The following NHEJ1 variants were observed in gnomAD, a reference collection of about 807,000 sequenced individuals.
NHEJ1 encodes non-homologous end-joining factor 1.
In NHEJ1, 22 loss-of-function variants were observed where a neutral mutation model predicts 39.4. That is an observed-to-expected ratio of 0.56 (90% confidence interval 0.40 to 0.80). The LOEUF (loss-of-function observed/expected upper bound fraction) is 0.80. NHEJ1 is among the 30% of genes least tolerant of loss of function. The pLI is 0.00. For synonymous variants in NHEJ1, 154 were observed against 135.6 expected (o/e 1.14, Z -0.94); for missense variants, 329 against 357.1 (o/e 0.92, Z 0.63).
At chr2:219,089,054 C>T (rs1407745932) in intron 5 of NHEJ1, among the ~76,000 whole-genome samples, 2 of 152,076 alleles carry the variant, frequency 1.3e-5, no homozygotes, top group South Asian at 2.1e-4. Flanking sequence ...CTCCTGACCT[C>T]GTGATCCGCC....
chr2:219,081,222 A>T (rs1201612432), intron 5 of NHEJ1, among the ~76,000 whole-genome samples: 2 of 152,184 alleles, frequency 1.3e-5, no homozygotes, highest in Non-Finnish European at 2.9e-5. Flanking sequence ...CATTCTCAGA[A>T]TATACTAGGG....
At chr2:219,102,878 G>A (rs1240039896) in intron 5 of NHEJ1, among the ~76,000 whole-genome samples, 9 of 149,714 alleles carry the variant, frequency 6.0e-5, no homozygotes, top group African/African-American at 1.5e-4. Context: ...AGTGGCGGGC[G>A]CCTGTAGTCC....
At chr2:219,159,854 T>C (rs1165055288) in intron 1 of NHEJ1, among the ~76,000 whole-genome samples, 1 of 151,970 alleles carries the variant, frequency 6.6e-6, no homozygotes, top group Non-Finnish European at 1.5e-5. Context: ...AAATTGGGTT[T>C]ACTATTCTAG....
chr2:219,071,463 G>A lies in NHEJ1; in HGVS notation c.*4918C>T. On this transcript the variant is annotated 3_prime_UTR_variant, in exon 8 of 8. Coordinates refer to ENST00000356853, the MANE Select transcript of NHEJ1 (RefSeq NM_024782.3). ...CAATATTTCCACAGCAGGATTATAG[G>A]ATCTGATTAACCATGTTAGACAACA... 6.6e-6 allele frequency among the ~76,000 whole-genome samples: 1 copy of A among 152,158 alleles called. No homozygotes were observed.
At chr2:219,138,387 G>T (rs912380894) in intron 5 of NHEJ1, among the ~76,000 whole-genome samples, 3 of 152,250 alleles carry the variant, frequency 2.0e-5, no homozygotes, top group African/African-American at 7.2e-5. Context: ...GCAGGTGGTA[G>T]AATGGGAATA....
At chr2:219,117,213 G>A (rs921253122) in intron 5 of NHEJ1, among the ~76,000 whole-genome samples, 6 of 152,068 alleles carry the variant, frequency 3.9e-5, no homozygotes, top group African/African-American at 1.4e-4. Context: ...CTCCTGCCAC[G>A]GTAACCCTTC....
intron 5 of NHEJ1, among the ~76,000 whole-genome samples, chr2:219,095,095 G>C (rs1269870778): frequency 1.3e-5 from 2 of 152,154 alleles, no homozygotes; most frequent in Non-Finnish European, 2.9e-5. Flanking sequence ...GACTGACCAA[G>C]GTATGTGGAA....
At chr2:219,100,342 C>T (rs932933036) in intron 5 of NHEJ1, among the ~76,000 whole-genome samples, 1 of 151,994 alleles carries the variant, frequency 6.6e-6, no homozygotes, top group Non-Finnish European at 1.5e-5. Context: ...GTGGCTCACA[C>T]CTGTAATTTC....
At chr2:219,080,642 T>C (rs1373918353) in intron 5 of NHEJ1, among the ~76,000 whole-genome samples, 1 of 104,720 alleles carries the variant, frequency 9.5e-6, no homozygotes, top group Non-Finnish European at 1.9e-5. Context: ...TATATAAGCT[T>C]ATATATATGC....
intron 5 of NHEJ1, among the ~76,000 whole-genome samples, chr2:219,131,735 T>G (rs1306212570): frequency 1.3e-5 from 2 of 152,096 alleles, no homozygotes; most frequent in African/African-American, 4.8e-5. Context: ...CTTGTAAGAG[T>G]CTAGAGGTGT....
intron 3 of NHEJ1, among the ~76,000 whole-genome samples, chr2:219,151,086 C>T (rs1294283552): frequency 1.4e-5 from 2 of 147,628 alleles, no homozygotes; most frequent in Non-Finnish European, 3.0e-5. Context: ...TGAGATTGCA[C>T]CACTACACTC....
rs1002509762 is a variant in NHEJ1 at position 219,072,186 on chromosome 2, C to A, written c.*4195G>T. ...GATCTTCTGAGGCCTTGGCCAAGAACACAAGGAAAAAACATAGAGCAATGA... is the reference window on the plus strand; with the variant it reads ...GATCTTCTGAGGCCTTGGCCAAGAAAACAAGGAAAAAACATAGAGCAATGA... On this transcript the variant is annotated 3_prime_UTR_variant, in exon 8 of 8. Coordinates refer to ENST00000356853, the MANE Select transcript of NHEJ1 (RefSeq NM_024782.3). 1.3e-5 allele frequency among the ~76,000 whole-genome samples: 2 copies of A among 152,190 alleles called. No homozygotes were observed. Among genetic ancestry groups the A allele is most frequent in the Non-Finnish European group, 2.9e-5 (2 of 68,034 alleles).
At chr2:219,097,858 G>A (rs1415712892) in intron 5 of NHEJ1, among the ~76,000 whole-genome samples, 1 of 152,186 alleles carries the variant, frequency 6.6e-6, no homozygotes, top group Non-Finnish European at 1.5e-5. Flanking sequence ...GACTGAATGT[G>A]ATCACCAACA....
chr2:219,146,773 G>C (rs1310708091), intron 4 of NHEJ1, 35 bp from the exon 5 acceptor site: 2 of 1,504,588 alleles, frequency 1.3e-6, no homozygotes, highest in East Asian at 4.5e-5. Flanking sequence ...AGAAATATGA[G>C]TCATACAGGA....
chr2:219,114,558 G>A (rs1949393702), intron 5 of NHEJ1, among the ~76,000 whole-genome samples: 1 of 152,174 alleles, frequency 6.6e-6, no homozygotes, highest in African/African-American at 2.4e-5. Context: ...ACAGGCCTAA[G>A]AAATAGAAAA....
chr2:219,107,341 C>G (rs913812161), intron 5 of NHEJ1, among the ~76,000 whole-genome samples: 2 of 152,156 alleles, frequency 1.3e-5, no homozygotes, highest in Non-Finnish European at 2.9e-5. Flanking sequence ...CTAGAAGGAA[C>G]CTCAGGGTGT....
At chr2:219,134,757 T>C (rs1949609048) in intron 5 of NHEJ1, among the ~76,000 whole-genome samples, 1 of 152,080 alleles carries the variant, frequency 6.6e-6, no homozygotes, top group African/African-American at 2.4e-5. Flanking sequence ...ATTCAACATG[T>C]GGCCAGGCGC....
At chr2:219,123,370 C>T (rs1199081202) in intron 5 of NHEJ1, among the ~76,000 whole-genome samples, 3 of 152,208 alleles carry the variant, frequency 2.0e-5, no homozygotes, top group African/African-American at 7.2e-5. Context: ...TATTCTACGA[C>T]TGATGCAGTG....
At chr2:219,085,484 G>C (rs977974948) in intron 5 of NHEJ1, among the ~76,000 whole-genome samples, 2 of 152,210 alleles carry the variant, frequency 1.3e-5, no homozygotes, top group African/African-American at 4.8e-5. Context: ...TGAAGACAGA[G>C]CTAACACTGC....
Sources: gnomAD v4.1 joint callset for allele counts (sites outside exome capture counted in the v4.1 genomes callset) on GRCh38, gnomAD v4.1.1 for gene constraint, MANE v1.5 for transcripts, NCBI Gene and HGNC (gene_info 2026-07-23, HGNC 2026-07-21) for gene names.